Variants in KIAA0930 observed in about 807,000 individuals in gnomAD.
KIAA0930 encodes the protein uncharacterized protein KIAA0930.
KIAA0930 carries 24 observed loss-of-function variants against 43.9 expected under a neutral mutation model. The observed-to-expected ratio is 0.55, with a 90% CI of 0.40 to 0.77. The LOEUF is 0.77. Among genes scored for constraint, KIAA0930 ranks in the 30% least tolerant of loss-of-function variants. KIAA0930 has a pLI of 0.00. For synonymous variants in KIAA0930, 259 were observed against 216.4 expected, an observed-to-expected ratio of 1.20 and a Z score of -1.73; for missense variants, 461 against 574.2, an observed-to-expected ratio of 0.80 and a Z score of 2.02.
chr22:45,205,608 G>A (rs771312979), intron 4 of KIAA0930, 22 bp downstream of exon 4: 9 of 1,611,216 alleles, frequency 5.6e-6, no homozygotes, highest in Non-Finnish European at 7.6e-6. Flanking sequence ...AGGAGGCTGG[G>A]GGCTCTCGTG....
intron 2 of KIAA0930, among the ~76,000 whole-genome samples, chr22:45,209,415 G>A (rs1226332621): frequency 6.6e-6 from 1 of 152,174 alleles, no homozygotes; most frequent in Non-Finnish European, 1.5e-5. Flanking sequence ...AAAATGCCAA[G>A]TTGGGGCAGC....
At chr22:45,205,369 G>A in intron 4 of KIAA0930, 51 bp from the exon 5 acceptor site, 1 of 1,515,626 alleles carries the variant, frequency 6.6e-7, no homozygotes, top group African/African-American at 1.4e-5. Context: ...CGGCACACAG[G>A]CCCAGAGCCA....
At chr22:45,209,770 G>A (rs1227907363) in intron 2 of KIAA0930, among the ~76,000 whole-genome samples, 3 of 152,178 alleles carry the variant, frequency 2.0e-5, no homozygotes, top group Non-Finnish European at 4.4e-5. Flanking sequence ...ATGGCTCACA[G>A]TGGGTGTTCA....
At chr22:45,226,729 G>C (rs987992587) in intron 1 of KIAA0930, 6 of 160,520 alleles carry the variant, frequency 3.7e-5, no homozygotes, top group African/African-American at 1.4e-4. Flanking sequence ...CCAGCTGACC[G>C]ACCGACCGAC....
intron 6 of KIAA0930, 40 bp downstream of exon 6, chr22:45,203,805 C>T (rs934486563): frequency 1.9e-5 from 30 of 1,603,340 alleles, no homozygotes; most frequent in South Asian, 7.8e-5. Context: ...CCGCCGTCCC[C>T]GGGCCCAGAA....
intron 2 of KIAA0930, among the ~76,000 whole-genome samples, chr22:45,206,918 C>T (rs1242880308): frequency 1.3e-5 from 2 of 151,982 alleles, no homozygotes; most frequent in Non-Finnish European, 2.9e-5. Context: ...AGGCTGGTCT[C>T]GAACTCCTGA....
chr22:45,208,488 C>CACATGA (rs2083660707), intron 2 of KIAA0930, among the ~76,000 whole-genome samples: 1 of 99,384 alleles, frequency 1.0e-5, no homozygotes, highest in East Asian at 3.0e-4. Context: ...CGACTCCACA[C>CACATGA]GCACGAGCTG....
intron 1 of KIAA0930, 193 bp from the exon 2 acceptor site, chr22:45,212,300 C>A: frequency 6.2e-7 from 1 of 1,612,958 alleles, no homozygotes; most frequent in Non-Finnish European, 8.5e-7. Flanking sequence ...GGACACCTCC[C>A]AGGAGGCCCA....
chr22:45,205,411 C>G, intron 4 of KIAA0930, 93 bp from the exon 5 acceptor site: 1 of 1,141,234 alleles, frequency 8.8e-7, no homozygotes, highest in Non-Finnish European at 1.3e-6. Flanking sequence ...CCACCCGGCC[C>G]AGAGCCAGTC....
At position 45,213,380 on chromosome 22, in the gene KIAA0930, A is replaced by C. The variant is rs1158053553; in HGVS notation, c.65-1273T>G. 3.8e-6 allele frequency: 5 copies of C among 1,303,242 alleles called. No homozygotes were observed. In the African/African-American group the frequency reaches 7.6e-5, roughly 20 times the overall value. 80.7% of individuals were successfully genotyped at this position (1,303,242 alleles called of 1,614,324 possible). ...GGGCAGTGAGAGGGAGGAAAAGAGAAGGAGGCTTCATCGGTGAGGGTCTGG... is the reference window on the plus strand; with the variant it reads ...GGGCAGTGAGAGGGAGGAAAAGAGACGGAGGCTTCATCGGTGAGGGTCTGG... On this transcript the variant is annotated intron_variant, in intron 1 of 9. Coordinates refer to ENST00000336156, the MANE Select transcript of KIAA0930 (RefSeq NM_001009880.2).
At chr22:45,234,454 A>G (rs11703668) in intron 1 of KIAA0930, among the ~76,000 whole-genome samples, 58,058 of 151,818 alleles carry the variant, frequency 0.38, 12,335 homozygotes, top group South Asian at 0.5. Context: ...GCATGCCCTC[A>G]GCAGGGACGC....
At position 45,197,202 on chromosome 22, in the gene KIAA0930, G is replaced by C. The variant is rs1486823130; in HGVS notation, c.1189C>G (p.Arg397Gly). 6.5e-7 allele frequency: 1 copy of C among 1,550,366 alleles called. No homozygotes were observed. The highest frequency in any genetic ancestry group is 8.7e-7 in the Non-Finnish European group (1 of 1,146,426). ...TAGGTCATCAGGATGGGCTTCTGCC[G>C]AACTTCCAGGATGTCTAGGGCCGGC... Reference protein sequence around the residue: ...HRILTDILEVRQKPILMT With the variant: ...HRILTDILEVGQKPILMT The change falls in exon 10 of 10, where the codon CGG (arginine) becomes GGG (glycine). Residue 397 changes from arginine (R) to glycine (G), a missense_variant. Transcript: ENST00000336156.
intron 1 of KIAA0930, among the ~76,000 whole-genome samples, chr22:45,220,476 T>C (rs1347841571): frequency 6.6e-6 from 1 of 152,090 alleles, no homozygotes; most frequent in African/African-American, 2.4e-5. Context: ...AGAAAATCTA[T>C]TAATATATTC....
chr22:45,238,875 G>GCTCTCTCTCTCTCTCTCT, intron 1 of KIAA0930, among the ~76,000 whole-genome samples: 1 of 145,408 alleles, frequency 6.9e-6, no homozygotes. Context: ...CCCTGGGCAG[G>GCTCTCTCTCTCTCTCTCT]CTCTCTCTCT....
chr22:45,204,309 C>G (rs1182067915), intron 5 of KIAA0930, among the ~76,000 whole-genome samples: 1 of 152,294 alleles, frequency 6.6e-6, no homozygotes, highest in Middle Eastern at 3.4e-3. Flanking sequence ...GGTGCCCAGC[C>G]CTGCCTGCCA....
At chr22:45,234,235 G>C (rs2083872283) in intron 1 of KIAA0930, among the ~76,000 whole-genome samples, 1 of 152,194 alleles carries the variant, frequency 6.6e-6, no homozygotes, top group Non-Finnish European at 1.5e-5. Context: ...TGCCGTTGGG[G>C]AGCTGGCCTG....
intron 1 of KIAA0930, among the ~76,000 whole-genome samples, chr22:45,229,952 C>T (rs1026741147): frequency 1.3e-5 from 2 of 152,228 alleles, no homozygotes; most frequent in Admixed American, 6.5e-5. Flanking sequence ...AAAAATGAGC[C>T]AGGCATGGTG....
At chr22:45,236,224 ACGCGGCAGGTGTTAGGCACCGGCT>A (rs1163457824) in intron 1 of KIAA0930, 4 of 152,572 alleles carry the variant, frequency 2.6e-5, no homozygotes, top group Admixed American at 6.5e-5. Context: ...ACTGAAGGAA[ACGCGGCAGGTGTTAGGCACCGGCT>A]CGCGGCAGGC....
At chr22:45,205,770 G>GGCCCC in intron 3 of KIAA0930, 23 bp downstream of exon 3, 2 of 1,523,782 alleles carry the variant, frequency 1.3e-6, no homozygotes, top group Non-Finnish European at 1.8e-6. Context: ...CCAATCCGCA[G>GGCCCC]CCCCACCCAT....
Sources: allele counts gnomAD v4.1 joint callset (sites outside exome capture counted in the v4.1 genomes callset), GRCh38; gene constraint gnomAD v4.1.1; transcripts MANE v1.5; gene names NCBI Gene and HGNC (gene_info 2026-07-23, HGNC 2026-07-21).